The following HMGN3 variants were observed in gnomAD, a reference collection of about 807,000 sequenced individuals.
HMGN3 encodes high mobility group nucleosome-binding domain-containing protein 3.
A neutral mutation model predicts 18.8 loss-of-function variants in HMGN3; 6 were observed. The ratio of observed to expected loss-of-function variants is 0.32; its 90% CI spans 0.18 to 0.63. The LOEUF (loss-of-function observed/expected upper bound fraction) is 0.63, where lower values mean the gene tolerates loss of function less well. Among genes scored for constraint, HMGN3 ranks in the 30% least tolerant of loss-of-function variants. The pLI, the probability that HMGN3 is intolerant of heterozygous loss-of-function variation, is 0.79. For missense variants in HMGN3, 107 were observed against 114.2 expected, an observed-to-expected ratio of 0.94 and a Z score of 0.29; for synonymous variants, 40 against 36.5, an observed-to-expected ratio of 1.10 and a Z score of -0.35.
At chr6:79,203,099 T>C (rs1284819606) in intron 4 of HMGN3, among the ~76,000 whole-genome samples, 1 of 152,198 alleles carries the variant, frequency 6.6e-6, no homozygotes, top group Non-Finnish European at 1.5e-5. Flanking sequence ...GTGAAGGTCA[T>C]ATGAGTAAAG....
At chr6:79,225,759 T>G (rs1002823557) in intron 1 of HMGN3, among the ~76,000 whole-genome samples, 1 of 152,218 alleles carries the variant, frequency 6.6e-6, no homozygotes, top group Non-Finnish European at 1.5e-5. Context: ...CATATGTGTA[T>G]CTTGTCTACA....
intron 4 of HMGN3, among the ~76,000 whole-genome samples, chr6:79,203,339 C>A (rs937232417): frequency 6.6e-6 from 1 of 152,156 alleles, no homozygotes; most frequent in Non-Finnish European, 1.5e-5. Flanking sequence ...TGCCAAACCC[C>A]CTTCGGACAT....
At chr6:79,211,891 A>G (rs989832370) in intron 2 of HMGN3, among the ~76,000 whole-genome samples, 4 of 152,218 alleles carry the variant, frequency 2.6e-5, no homozygotes, top group Admixed American at 6.5e-5. Flanking sequence ...GCTAGATTCA[A>G]TAGAATCACT....
intron 1 of HMGN3, among the ~76,000 whole-genome samples, chr6:79,218,171 A>G (rs1241848999): frequency 2.0e-5 from 3 of 152,202 alleles, no homozygotes; most frequent in Non-Finnish European, 4.4e-5. Context: ...TACCAGCCCT[A>G]GGCTTTGTTT....
At chr6:79,228,037 G>A (rs1216725431) in intron 1 of HMGN3, among the ~76,000 whole-genome samples, 2 of 152,052 alleles carry the variant, frequency 1.3e-5, no homozygotes, top group African/African-American at 2.4e-5. Flanking sequence ...AACACAACAG[G>A]GTGGTTAAAA....
chr6:79,219,366 G>A (rs1252651310), intron 1 of HMGN3, among the ~76,000 whole-genome samples: 1 of 152,076 alleles, frequency 6.6e-6, no homozygotes, highest in East Asian at 1.9e-4. Context: ...AAGAGTGATG[G>A]CAAAATAAAG....
chr6:79,216,541 T>C (rs1206371421), intron 1 of HMGN3, among the ~76,000 whole-genome samples: 1 of 152,196 alleles, frequency 6.6e-6, no homozygotes, highest in African/African-American at 2.4e-5. Context: ...CCAGAGCCTA[T>C]CATATGCCCT....
intron 1 of HMGN3, among the ~76,000 whole-genome samples, chr6:79,219,759 AATGAG>A (rs1777175166): frequency 1.3e-5 from 2 of 152,184 alleles, no homozygotes; most frequent in Non-Finnish European, 2.9e-5. Flanking sequence ...AAAAAAGATT[AATGAG>A]ATATTTCACA....
chr6:79,201,617 A>G (rs1582392306), exon 6 of HMGN3: 2 of 1,055,918 alleles, frequency 1.9e-6, no homozygotes, highest in East Asian at 2.4e-5. Context: ...TTTACAAAAT[A>G]CTTGGTAAAA....
At chr6:79,215,834 T>C (rs1232559156) in intron 1 of HMGN3, among the ~76,000 whole-genome samples, 1 of 152,224 alleles carries the variant, frequency 6.6e-6, no homozygotes, top group African/African-American at 2.4e-5. Context: ...TTAAAACAAC[T>C]AAACTACTTA....
chr6:79,214,385 T>A (rs1276519116), intron 2 of HMGN3, among the ~76,000 whole-genome samples: 1 of 152,004 alleles, frequency 6.6e-6, no homozygotes, highest in Non-Finnish European at 1.5e-5. Context: ...ATATTTTTAG[T>A]AGAGATGGGG....
At chr6:79,220,770 C>T (rs911559411) in intron 1 of HMGN3, among the ~76,000 whole-genome samples, 2 of 152,014 alleles carry the variant, frequency 1.3e-5, no homozygotes, top group Non-Finnish European at 2.9e-5. Context: ...TTAGAACATG[C>T]ACAAATCAAT....
intron 1 of HMGN3, among the ~76,000 whole-genome samples, chr6:79,223,415 G>T (rs1033567973): frequency 2.2e-4 from 33 of 152,302 alleles, no homozygotes; most frequent in African/African-American, 7.7e-4. Context: ...GGAGACTGAG[G>T]CAGGAGAATT....
At chr6:79,234,438 C>T (rs1247185262) in intron 1 of HMGN3, 108 bp downstream of exon 1, 1 of 1,037,394 alleles carries the variant, frequency 9.6e-7, no homozygotes, top group East Asian at 2.4e-5. Flanking sequence ...CAAAGATTCC[C>T]AATCCCCGGG....
At chr6:79,201,829 CTTTTT>C (rs533500859) in intron 5 of HMGN3, 103 bp from the exon 7 acceptor site, 17 of 1,349,300 alleles carry the variant, frequency 1.3e-5, no homozygotes, top group Non-Finnish European at 1.7e-5. Context: ...CATTTGTTTT[CTTTTT>C]TTTTTCCAGC....
chr6:79,229,052 A>C (rs1251157359), intron 1 of HMGN3, among the ~76,000 whole-genome samples: 1 of 152,240 alleles, frequency 6.6e-6, no homozygotes, highest in African/African-American at 2.4e-5. Context: ...CAATAAAATG[A>C]ATTTAAACCC....
intron 1 of HMGN3, among the ~76,000 whole-genome samples, chr6:79,220,584 T>C (rs1247448632): frequency 6.6e-6 from 1 of 152,130 alleles, no homozygotes; most frequent in Non-Finnish European, 1.5e-5. Flanking sequence ...GTAGCTGGGA[T>C]TACAGGTGCG....
chr6:79,209,097 A>G (rs1055497445), intron 2 of HMGN3, among the ~76,000 whole-genome samples: 6 of 152,238 alleles, frequency 3.9e-5, no homozygotes, highest in Non-Finnish European at 7.3e-5. Flanking sequence ...AGTTAACAAG[A>G]AAGGCTTCTT....
intron 1 of HMGN3, among the ~76,000 whole-genome samples, chr6:79,227,438 C>T (rs1777618392): frequency 1.3e-5 from 2 of 152,144 alleles, no homozygotes; most frequent in South Asian, 4.1e-4. Context: ...CACCATTTAT[C>T]ATCCCACAAA....
Sources: allele counts gnomAD v4.1 joint callset (sites outside exome capture counted in the v4.1 genomes callset), GRCh38; gene constraint gnomAD v4.1.1; transcripts MANE v1.5; gene names NCBI Gene and HGNC (gene_info 2026-07-23, HGNC 2026-07-21).